USP42: variants seen among roughly 807,000 people sequenced by gnomAD.
USP42 encodes the protein ubiquitin carboxyl-terminal hydrolase 42.
In USP42, 23 loss-of-function variants were observed where a neutral mutation model predicts 113.0. That is an observed-to-expected ratio of 0.20 (90% CI 0.15 to 0.29). USP42 has a LOEUF of 0.29. USP42 is among the 10% of genes least tolerant of loss of function. USP42 has a pLI of 1.00. For synonymous variants in USP42, 933 were observed against 699.0 expected, an observed-to-expected ratio of 1.33 and a Z score of -5.28; for missense variants, 2,174 against 1,779.8, an observed-to-expected ratio of 1.22 and a Z score of -3.99.
intron 3 of USP42, chr7:6,128,029 A>C (rs6463528): frequency 0.44 from 67,314 of 151,818 alleles, 18,741 homozygotes; most frequent in African/African-American, 0.77. Context: ...ATCCTACATC[A>C]TCAAAATTTT....
At position 6,157,916 on chromosome 7, in the gene USP42, C is replaced by T. The variant is rs1327795130; in HGVS notation, c.3943+861C>T. ...TCTTACTGCACTTGAGGCAGCCCCCCACTTCCTCTCCCGTTGGTGTCCGGT... is the reference window on the plus strand; with the variant it reads ...TCTTACTGCACTTGAGGCAGCCCCCTACTTCCTCTCCCGTTGGTGTCCGGT... On this transcript the variant is annotated intron_variant, in intron 16 of 17. Transcript: ENST00000306177. The surrounding 1 kb of genome is among the most constrained non-coding windows in gnomAD (Gnocchi z 4.1). Among the ~76,000 whole-genome samples the T allele has an allele frequency of 6.6e-6, 1 of 152,156 alleles. No individual in the cohort carries two copies. Among genetic ancestry groups the T allele is most frequent in the African/African-American group, 2.4e-5 (1 of 41,446 alleles).
intron 3 of USP42, among the ~76,000 whole-genome samples, chr7:6,120,186 G>A (rs919441999): frequency 6.6e-6 from 1 of 152,056 alleles, no homozygotes; most frequent in African/African-American, 2.4e-5. Flanking sequence ...GGATGGTCTT[G>A]ATCTCCTGAC....
Position 6,144,124 on chromosome 7 carries a change from C to T in USP42, c.918C>T (p.Ile306=). The part of the protein sequence containing the change: ...KMVPASKRFT[I]HRSSNVLTLS... ...TTCCAGCTTCAAAGAGGTTCACTAT[C>T]CATAGATCCTCTAATGTTCTTACAC... Residue 306 remains isoleucine, a synonymous_variant, in exon 9 of 18, where the codon ATC becomes ATT. Coordinates refer to ENST00000306177, the MANE Select transcript of USP42 (RefSeq NM_032172.3). 1 of 1,588,278 alleles carries T rather than the reference C, an allele frequency of 6.3e-7. No homozygotes were observed. Among genetic ancestry groups the T allele is most frequent in the Non-Finnish European group, 8.5e-7 (1 of 1,172,320 alleles).
At chr7:6,138,646 C>G (rs1227434145) in intron 4 of USP42, among the ~76,000 whole-genome samples, 1 of 152,220 alleles carries the variant, frequency 6.6e-6, no homozygotes, top group Admixed American at 6.5e-5. Flanking sequence ...AGGAACTGGG[C>G]TGCACAGCAG....
At chr7:6,143,666 A>T (rs1206857561) in intron 8 of USP42, among the ~76,000 whole-genome samples, 1 of 151,862 alleles carries the variant, frequency 6.6e-6, no homozygotes. Context: ...ATTTATTTTT[A>T]TTCCTTTTGT....
In USP42 at chr7:6,159,479, A is replaced by C; in HGVS notation, c.*22A>C. ...TTGAAAACTCAGCCTCAAAACAAAA[A>C]ATTCACTAGTTATGGTAAGCTGTTT... On this transcript the variant is annotated 3_prime_UTR_variant, in exon 17 of 18. Coordinates refer to ENST00000306177, the MANE Select transcript of USP42 (RefSeq NM_032172.3). This position sits in a 1 kb window ranked among gnomAD's most constrained non-coding sequence, Gnocchi z 4.1. 1 of 1,613,902 alleles carries C rather than the reference A, an allele frequency of 6.2e-7. No homozygotes were observed. The highest frequency in any genetic ancestry group is 1.1e-5 in the South Asian group (1 of 91,076).
chr7:6,087,457 C>T, the USP42 span, among the ~76,000 whole-genome samples: 1 of 149,860 alleles, frequency 6.7e-6, no homozygotes, highest in African/African-American at 2.5e-5. Context: ...CCACCTCAGC[C>T]TCCTGAGTAG....
upstream of USP42, among the ~76,000 whole-genome samples, chr7:6,104,457 GCGAAGCCCA>G (rs1779130286): frequency 6.6e-6 from 1 of 152,258 alleles, no homozygotes; most frequent in African/African-American, 2.4e-5. Flanking sequence ...GTTGCAGAGG[GCGAAGCCCA>G]CGAAGCGGAG....
chr7:6,142,540 A>G (rs1476778757), intron 7 of USP42, among the ~76,000 whole-genome samples: 1 of 152,038 alleles, frequency 6.6e-6, no homozygotes, highest in Non-Finnish European at 1.5e-5. Flanking sequence ...TTACATAAAA[A>G]TTTTCATTTG....
At chr7:6,111,666 G>A (rs143938262) in intron 2 of USP42, 2 of 213,146 alleles carry the variant, frequency 9.4e-6, no homozygotes, top group African/African-American at 2.4e-5. Flanking sequence ...GCAGTGGCGC[G>A]ATCTTGACTC....
In USP42 at chr7:6,150,574, T is replaced by C. The variant is rs919605312; in HGVS notation, c.2201+68T>C. 6 of 1,335,186 alleles carry C rather than the reference T, an allele frequency of 4.5e-6. No individual in the cohort carries two copies. In the African/African-American group the frequency reaches 8.7e-5, roughly 19 times the overall value. 82.7% of individuals were successfully genotyped at this position (1,335,186 alleles called of 1,614,324 possible). A position where few individuals can be genotyped will look rare whatever the true frequency, so the allele number is the denominator to read the frequency against. ...GGAAATCCAGTAGCCTCCAGATGTG[T>C]CAGTATTTGAATGCTGTAGAAATTT... On this transcript the variant is annotated intron_variant, in intron 14 of 17. Transcript: ENST00000306177.
the USP42 span, among the ~76,000 whole-genome samples, chr7:6,082,132 CCTT>C: frequency 6.6e-6 from 1 of 150,690 alleles, no homozygotes; most frequent in Non-Finnish European, 1.5e-5. Context: ...GCGAATTTAT[CCTT>C]TTTTTTTTTT....
chr7:6,137,821 C>T (rs1177117220), intron 4 of USP42, among the ~76,000 whole-genome samples: 2 of 152,012 alleles, frequency 1.3e-5, no homozygotes, highest in Admixed American at 6.6e-5. Flanking sequence ...GCTGGGACTA[C>T]AGGTGCTTGC....
chr7:6,156,304 C>T (rs751690088), intron 15 of USP42, among the ~76,000 whole-genome samples: 7 of 152,144 alleles, frequency 4.6e-5, no homozygotes, highest in Non-Finnish European at 7.4e-5. Context: ...CTACTGGTTT[C>T]GGGAAAAGTT....
chr7:6,082,082 C>T, the USP42 span, among the ~76,000 whole-genome samples: 2 of 151,114 alleles, frequency 1.3e-5, no homozygotes, highest in South Asian at 4.2e-4. Flanking sequence ...ACTATATATA[C>T]ATATACGTGT....
rs1782333863 is a variant in USP42, at chr7:6,154,820, A to T, written c.3266A>T (p.His1089Leu). Residue 1089 changes from histidine to leucine, a missense_variant, in exon 15 of 18, where the codon CAC (histidine) becomes CTC (leucine). Coordinates refer to ENST00000306177, the MANE Select transcript of USP42 (RefSeq NM_032172.3). ...GGREHERAGL[H>L]ERPHKDHNRG... ...CGCGAGCACGAGCGGGCCGGGCTGC[A>T]CGAGCGGCCGCACAAGGACCACAAC... 3 of 1,542,998 alleles carry T rather than the reference A, an allele frequency of 1.9e-6. No homozygotes were observed. In the East Asian group the frequency reaches 7.4e-5, roughly 38 times the overall value.
chr7:6,134,504 C>T (rs1029821672), intron 3 of USP42, among the ~76,000 whole-genome samples: 10 of 152,020 alleles, frequency 6.6e-5, no homozygotes, highest in Admixed American at 2.6e-4. Flanking sequence ...TTGTTTTAAG[C>T]GTTATTAGGT....
intron 3 of USP42, among the ~76,000 whole-genome samples, chr7:6,119,398 G>A (rs1780090211): frequency 6.6e-6 from 1 of 152,154 alleles, no homozygotes; most frequent in South Asian, 2.1e-4. Context: ...TTCAGCTCAG[G>A]AGGTGGTGAC....
intron 9 of USP42, 125 bp from the exon 10 acceptor site, chr7:6,145,391 G>T: frequency 8.8e-7 from 1 of 1,133,526 alleles, no homozygotes; most frequent in Non-Finnish European, 1.2e-6. Context: ...GTTTTTGCTA[G>T]AATATCACAG....
Sources: gnomAD v4.1 joint callset for allele counts (sites outside exome capture counted in the v4.1 genomes callset) on GRCh38, gnomAD v4.1.1 for gene constraint, Gnocchi (gnomAD v3.1) non-coding constraint, MANE v1.5 for transcripts, NCBI Gene and HGNC (gene_info 2026-07-23, HGNC 2026-07-21) for gene names.